The following DOCK3 variants were observed in gnomAD, a reference collection of about 807,000 sequenced individuals.
DOCK3 encodes dedicator of cytokinesis protein 3.
A neutral mutation model predicts 265.6 loss-of-function variants in DOCK3; 60 were observed. The observed-to-expected ratio is 0.23, with a 90% CI of 0.18 to 0.28. DOCK3 has a LOEUF of 0.28. Ranked by LOEUF, DOCK3 falls within the 10% of genes least tolerant of loss-of-function variation. The probability of loss-of-function intolerance (pLI) is 1.00; values close to 1 mark genes in which losing one functional copy is unlikely to be tolerated. For missense variants in DOCK3, 1,981 were observed against 2,594.3 expected (o/e 0.76, Z 5.14); for synonymous variants, 881 against 938.0 (o/e 0.94, Z 1.11).
intron 1 of DOCK3, among the ~76,000 whole-genome samples, chr3:50,680,853 G>A (rs556580763): frequency 2.0e-5 from 3 of 151,792 alleles, no homozygotes; most frequent in Non-Finnish European, 4.4e-5. Flanking sequence ...TGAGTTCCTT[G>A]TATATTCTGT....
chr3:51,229,582 G>A lies in DOCK3; in HGVS notation c.1890G>A (p.Arg630=). Residue 630 remains arginine, a synonymous_variant, in exon 19 of 53, where the codon CGG becomes CGA. Transcript: ENST00000266037. ...TCATGGATGTACTAGGGCGGCTGCG[G>A]CATGTCAGTGGGGAGGAAATTGTTA... The part of the protein sequence containing the change: ...DRIMDVLGRL[R]HVSGEEIVKF... 6.2e-7 allele frequency: 1 copy of A among 1,606,248 alleles called. No individual in the cohort carries two copies. The highest frequency in any genetic ancestry group is 8.5e-7 in the Non-Finnish European group (1 of 1,176,128).
intron 5 of DOCK3, among the ~76,000 whole-genome samples, chr3:50,989,316 A>T (rs1272897795): frequency 6.6e-6 from 1 of 152,042 alleles, no homozygotes; most frequent in African/African-American, 2.4e-5. Flanking sequence ...GAACATAAAC[A>T]CTGAGATTGC....
intron 5 of DOCK3, among the ~76,000 whole-genome samples, chr3:51,045,396 G>A (rs2080730541): frequency 6.6e-6 from 1 of 152,056 alleles, no homozygotes; most frequent in South Asian, 2.1e-4. Flanking sequence ...AATTACAATA[G>A]TAACATCAGA....
intron 5 of DOCK3, among the ~76,000 whole-genome samples, chr3:50,998,847 A>G (rs985254599): frequency 3.3e-5 from 5 of 152,234 alleles, no homozygotes; most frequent in African/African-American, 9.6e-5. Context: ...TCTAGCAACT[A>G]ATCCTGCAGT....
chr3:51,253,299 A>G (rs765561107), intron 22 of DOCK3, among the ~76,000 whole-genome samples: 1 of 152,198 alleles, frequency 6.6e-6, no homozygotes, highest in African/African-American at 2.4e-5. Context: ...ATCAATGTTC[A>G]TCAGGGATAT....
chr3:50,899,145 A>G (rs533073304), intron 4 of DOCK3, among the ~76,000 whole-genome samples: 3 of 152,292 alleles, frequency 2.0e-5, no homozygotes, highest in East Asian at 3.9e-4. Flanking sequence ...AACTTGCTTT[A>G]TGAATCTGGG....
intron 4 of DOCK3, among the ~76,000 whole-genome samples, chr3:50,921,073 TA>T (rs1297239606): frequency 6.6e-6 from 1 of 152,236 alleles, no homozygotes; most frequent in Non-Finnish European, 1.5e-5. Flanking sequence ...GTGAGTTTCT[TA>T]ATCTTGAGTT....
At chr3:50,820,252 G>A (rs1157366863) in intron 2 of DOCK3, among the ~76,000 whole-genome samples, 7 of 152,150 alleles carry the variant, frequency 4.6e-5, no homozygotes, top group African/African-American at 1.7e-4. Flanking sequence ...CTTCCTGCAT[G>A]AAGCCAAGAA....
chr3:50,898,240 T>C (rs2048987632), intron 4 of DOCK3, among the ~76,000 whole-genome samples: 1 of 152,018 alleles, frequency 6.6e-6, no homozygotes, highest in Non-Finnish European at 1.5e-5. Flanking sequence ...TATCCATTTC[T>C]TCTAGATTTT....
intron 2 of DOCK3, chr3:50,787,491 C>T (rs1303811663): frequency 4.1e-5 from 20 of 484,708 alleles, no homozygotes; most frequent in Non-Finnish European, 1.1e-5. Context: ...GCCGAGATCG[C>T]GCCATTGCAC....
chr3:51,311,971 T>A, intron 28 of DOCK3, 33 bp from the exon 29 acceptor site: 1 of 1,522,738 alleles, frequency 6.6e-7, no homozygotes, highest in Non-Finnish European at 9.0e-7. Flanking sequence ...GTTAGTCTTT[T>A]AATTCTGCCA....
rs944399168 is a variant in DOCK3, at chr3:51,361,474, TG to T, written c.5007-378del. On this transcript the variant is annotated intron_variant, in intron 47 of 52. Transcript: ENST00000266037. This position sits in a 1 kb window ranked among gnomAD's most constrained non-coding sequence, Gnocchi z 4.2. ...CCAAGAAGCAGATCCCATCATGGTG[TG>T]GGGGGGTTGGGGGGTGGGCACTGAC... Among the ~76,000 whole-genome samples, 1 of 100,642 alleles carries T rather than the reference TG, an allele frequency of 9.9e-6. No homozygotes were observed. Among genetic ancestry groups the T allele is most frequent in the South Asian group, 3.6e-4 (1 of 2,796 alleles). The allele number at this position is 100,642 out of a possible 152,430, so 66.0% of individuals were successfully genotyped here. A position where few individuals can be genotyped will look rare whatever the true frequency, so the allele number is the denominator to read the frequency against.
intron 1 of DOCK3, among the ~76,000 whole-genome samples, chr3:50,707,988 C>T (rs1475751249): frequency 6.6e-6 from 1 of 152,088 alleles, no homozygotes; most frequent in Non-Finnish European, 1.5e-5. Flanking sequence ...ATGGGGTGGC[C>T]CCCTTTTTAT....
At chr3:51,002,798 C>T (rs1290221043) in intron 5 of DOCK3, among the ~76,000 whole-genome samples, 3 of 152,194 alleles carry the variant, frequency 2.0e-5, no homozygotes, top group African/African-American at 7.2e-5. Context: ...CTCTGACCCA[C>T]TTAATGATCT....
chr3:50,704,649 G>T (rs1261264048), intron 1 of DOCK3, among the ~76,000 whole-genome samples: 5 of 145,634 alleles, frequency 3.4e-5, no homozygotes, highest in Non-Finnish European at 6.0e-5. Context: ...TTTTTGAGAC[G>T]GAGTCTCACT....
At chr3:50,803,919 TG>T (rs1205662614) in intron 2 of DOCK3, among the ~76,000 whole-genome samples, 6 of 146,298 alleles carry the variant, frequency 4.1e-5, no homozygotes, top group African/African-American at 1.5e-4. Context: ...GGCTGCCGGG[TG>T]GAGACGCTCC....
Position 51,371,472 on chromosome 3 carries a change from G to A in DOCK3, c.5294-2997G>A, listed in dbSNP as rs527782509. On this transcript the variant is annotated intron_variant, in intron 49 of 52. Coordinates refer to ENST00000266037, the MANE Select transcript of DOCK3 (RefSeq NM_004947.5). ...CCTACATCTATCAAGCACAGTGTTAGGCCCTGGGAGACAAAATAGAAGGGT... is the reference window on the plus strand; with the variant it reads ...CCTACATCTATCAAGCACAGTGTTAAGCCCTGGGAGACAAAATAGAAGGGT... 1.7e-4 allele frequency among the ~76,000 whole-genome samples: 26 copies of A among 152,308 alleles called. 1 individual carries two copies. Among genetic ancestry groups the A allele is most frequent in the Admixed American group, 7.8e-4 (12 of 15,302 alleles).
chr3:50,988,517 A>T (rs2077987790), intron 5 of DOCK3, among the ~76,000 whole-genome samples: 1 of 152,238 alleles, frequency 6.6e-6, no homozygotes, highest in Non-Finnish European at 1.5e-5. Context: ...CCAGCACAGC[A>T]CAGCTCCTCT....
At chr3:51,172,174 C>T (rs1320079872) in intron 12 of DOCK3, among the ~76,000 whole-genome samples, 1 of 93,648 alleles carries the variant, frequency 1.1e-5, no homozygotes, top group Non-Finnish European at 2.1e-5. Flanking sequence ...AATGGAATAT[C>T]GTTTCTTTTT....
Sources: gnomAD v4.1 joint callset for allele counts (sites outside exome capture counted in the v4.1 genomes callset) on GRCh38, gnomAD v4.1.1 for gene constraint, Gnocchi (gnomAD v3.1) non-coding constraint, MANE v1.5 for transcripts, NCBI Gene and HGNC (gene_info 2026-07-23, HGNC 2026-07-21) for gene names.